TMEM132D: variants seen among roughly 807,000 people sequenced by gnomAD.
TMEM132D encodes the protein mature OL transmembrane protein.
In TMEM132D, 21 loss-of-function variants were observed where a neutral mutation model predicts 62.3. The ratio of observed to expected loss-of-function variants is 0.34; its 90% CI spans 0.24 to 0.49. The LOEUF (loss-of-function observed/expected upper bound fraction) is 0.49. Ranked by LOEUF, TMEM132D falls within the 20% of genes least tolerant of loss-of-function variation. TMEM132D has a pLI of 0.99. For synonymous variants in TMEM132D, 621 were observed against 575.6 expected (o/e 1.08, Z -1.13); for missense variants, 1,346 against 1,402.8 (o/e 0.96, Z 0.65).
intron 4 of TMEM132D, among the ~76,000 whole-genome samples, chr12:129,259,778 G>C (rs1396350652): frequency 6.6e-6 from 1 of 152,112 alleles, no homozygotes; most frequent in Non-Finnish European, 1.5e-5. Flanking sequence ...GACTTGAAAA[G>C]TCACATTATT....
At position 129,482,502 on chromosome 12, in the gene TMEM132D, T is replaced by C. The variant is rs539265354; in HGVS notation, c.1115+48557A>G. 3.3e-5 allele frequency among the ~76,000 whole-genome samples: 5 copies of C among 152,244 alleles called. 1 individual carries two copies. The highest frequency in any genetic ancestry group is 1.2e-4 in the African/African-American group (5 of 41,544). Reference sequence around the variant, plus strand: ...ATGTTTGTAGAAGCGTAGAAAAAAATGGAAGACTTCACCAGGTTGTTGACA... The same window carrying C: ...ATGTTTGTAGAAGCGTAGAAAAAAACGGAAGACTTCACCAGGTTGTTGACA... On this transcript the variant is annotated intron_variant, in intron 3 of 8. Transcript: ENST00000422113.
At chr12:129,362,421 G>A (rs1028368011) in intron 3 of TMEM132D, among the ~76,000 whole-genome samples, 4 of 19,624 alleles carry the variant, frequency 2.0e-4, no homozygotes, top group African/African-American at 2.6e-4. Context: ...CCACCCACCC[G>A]CCCACCCCCG....
chr12:129,899,406 CATGGATGGATGG>C (rs373344068), intron 1 of TMEM132D, among the ~76,000 whole-genome samples: 1,198 of 102,704 alleles, frequency 0.012, 107 homozygotes, highest in African/African-American at 0.054. Context: ...TGGATGGATG[CATGGATGGATGG>C]ATGGATGGAT....
intron 1 of TMEM132D, among the ~76,000 whole-genome samples, chr12:129,859,423 T>C (rs894980236): frequency 6.6e-6 from 1 of 152,240 alleles, no homozygotes; most frequent in African/African-American, 2.4e-5. Flanking sequence ...ACTGAATTAA[T>C]TGCCAATATT....
At chr12:129,664,872 C>A (rs771074441) in intron 2 of TMEM132D, among the ~76,000 whole-genome samples, 7 of 152,114 alleles carry the variant, frequency 4.6e-5, no homozygotes, top group African/African-American at 1.4e-4. Context: ...ACAGCAATGA[C>A]AACTAACCCT....
At chr12:129,809,213 C>A (rs1212450549) in intron 1 of TMEM132D, among the ~76,000 whole-genome samples, 3 of 150,698 alleles carry the variant, frequency 2.0e-5, no homozygotes, top group Non-Finnish European at 4.4e-5. Flanking sequence ...GAGGCTGAGG[C>A]AGGAGAATCG....
intron 3 of TMEM132D, among the ~76,000 whole-genome samples, chr12:129,408,593 G>A (rs542922522): frequency 4.6e-5 from 7 of 151,328 alleles, no homozygotes; most frequent in Admixed American, 3.3e-4. Context: ...TTTACACAAG[G>A]CAATTTTTAT....
At position 129,074,876 on chromosome 12, in the gene TMEM132D, C is replaced by T. The variant is rs73159540; in HGVS notation, c.2299G>A (p.Val767Ile). 167,508 of 1,613,858 alleles carry T rather than the reference C, an allele frequency of 0.1. 9,328 individuals carry two copies. Among genetic ancestry groups the T allele is most frequent in the East Asian group, 0.14 (6,182 of 44,844 alleles). Residue 767 changes from valine (V) to isoleucine (I), a missense_variant, in exon 9 of 9, where the codon GTC becomes ATC. Val to Ile is a conservative substitution (Grantham distance 29, BLOSUM62 3). Coordinates refer to ENST00000422113, the MANE Select transcript of TMEM132D (RefSeq NM_133448.3). ...AAETEGQGTL[V>I]KVEMVISESC... ...TCACTAATAACCATTTCCACCTTGA[C>T]CAGGGTGCCTTGTCCTTCTGTTTCC...
chr12:129,879,549 G>A (rs1049585007), intron 1 of TMEM132D, among the ~76,000 whole-genome samples: 1 of 152,224 alleles, frequency 6.6e-6, no homozygotes, highest in Admixed American at 6.5e-5. Context: ...CTCAGTTGCA[G>A]CAGGAGGAAG....
chr12:129,338,352 G>A (rs1044232310), intron 3 of TMEM132D, among the ~76,000 whole-genome samples: 3 of 152,176 alleles, frequency 2.0e-5, no homozygotes, highest in Non-Finnish European at 2.9e-5. Context: ...GGGGGTCGCT[G>A]TGATGAGCAT....
intron 1 of TMEM132D, among the ~76,000 whole-genome samples, chr12:129,722,055 T>C (rs1463450567): frequency 6.6e-6 from 1 of 152,224 alleles, no homozygotes; most frequent in Non-Finnish European, 1.5e-5. Flanking sequence ...GCCAGCTAAA[T>C]GGTGGGTGTG....
chr12:129,430,189 A>C (rs185705599), intron 3 of TMEM132D, among the ~76,000 whole-genome samples: 586 of 152,314 alleles, frequency 3.8e-3, no homozygotes, highest in Non-Finnish European at 4.7e-3. Flanking sequence ...ACTAGTTTAC[A>C]GTCCCACCAA....
intron 2 of TMEM132D, among the ~76,000 whole-genome samples, chr12:129,579,155 G>A (rs190700219): frequency 5.9e-5 from 9 of 152,286 alleles, no homozygotes; most frequent in East Asian, 1.9e-4. Flanking sequence ...GCTTTTGAAC[G>A]ATGAATGCTG....
intron 2 of TMEM132D, among the ~76,000 whole-genome samples, chr12:129,577,778 ACT>A (rs1445072146): frequency 1.3e-5 from 2 of 152,124 alleles, no homozygotes; most frequent in Non-Finnish European, 2.9e-5. Context: ...GAAGTTTCAA[ACT>A]CTGTTGTTCA....
chr12:129,425,362 C>A (rs1408997393), intron 3 of TMEM132D, among the ~76,000 whole-genome samples: 2 of 151,450 alleles, frequency 1.3e-5, no homozygotes, highest in African/African-American at 4.8e-5. Context: ...TTTTCCATTC[C>A]CACCAGCAAC....
At chr12:129,240,019 A>G (rs1182226942) in intron 4 of TMEM132D, among the ~76,000 whole-genome samples, 21 of 152,214 alleles carry the variant, frequency 1.4e-4, no homozygotes, top group Admixed American at 1.4e-3. Flanking sequence ...CAGTTTTGCA[A>G]TCAGTGATGT....
rs550386395 is a variant in TMEM132D, at chr12:129,156,401, AC to A, written c.1443+53118del. Among the ~76,000 whole-genome samples the A allele has an allele frequency of 1.7e-3, 256 of 152,314 alleles. 2 individuals carry two copies. The highest frequency in any genetic ancestry group is 5.8e-3 in the African/African-American group (242 of 41,574). On this transcript the variant is annotated intron_variant, in intron 5 of 8. Transcript: ENST00000422113. ...ATATAATAAACCTACTCCCAAGATAACCAACCCACTCTCATGAGAACTAACT... is the reference window on the plus strand; with the variant it reads ...ATATAATAAACCTACTCCCAAGATAACAACCCACTCTCATGAGAACTAACT...
intron 2 of TMEM132D, among the ~76,000 whole-genome samples, chr12:129,539,405 C>CTT (rs33913406): frequency 0.39 from 45,380 of 116,778 alleles, 9,747 homozygotes; most frequent in Non-Finnish European, 0.45. Context: ...CTAATTTTTT[C>CTT]TTTTTTTTTT....
Position 129,199,781 on chromosome 12 carries a change from A to T in TMEM132D, c.1443+9739T>A, listed in dbSNP as rs536767752. Among the ~76,000 whole-genome samples the T allele has an allele frequency of 4.6e-3, 696 of 152,256 alleles. 7 individuals are homozygous for T. Among genetic ancestry groups the T allele is most frequent in the African/African-American group, 0.016 (661 of 41,536 alleles). On this transcript the variant is annotated intron_variant, in intron 5 of 8. Transcript: ENST00000422113. ...GCCCTTTATAAAACCATCAGATCTC[A>T]TGACACTTATTCACTATCATGAGAA...
Sources: allele counts gnomAD v4.1 joint callset (sites outside exome capture counted in the v4.1 genomes callset), GRCh38; gene constraint gnomAD v4.1.1; transcripts MANE v1.5; gene names NCBI Gene and HGNC (gene_info 2026-07-23, HGNC 2026-07-21).